Variants in EPHA3 observed in about 807,000 individuals in gnomAD.
EPHA3 encodes ephrin type-A receptor 3.
In EPHA3, 42 loss-of-function variants were observed where a neutral mutation model predicts 107.1. The observed-to-expected ratio is 0.39, with a 90% CI of 0.31 to 0.51. The LOEUF (loss-of-function observed/expected upper bound fraction) is 0.51, where lower values mean the gene tolerates loss of function less well. Ranked by LOEUF, EPHA3 falls within the 20% of genes least tolerant of loss-of-function variation. The pLI is 0.78. For missense variants in EPHA3, 1,183 were observed against 1,211.2 expected, an observed-to-expected ratio of 0.98 and a Z score of 0.35; for synonymous variants, 461 against 424.8, an observed-to-expected ratio of 1.09 and a Z score of -1.05.
intron 1 of EPHA3, 84 bp from the exon 2 acceptor site, chr3:89,127,125 A>AG: frequency 9.6e-7 from 1 of 1,043,046 alleles, no homozygotes; most frequent in South Asian, 1.3e-5. Context: ...AGCAACATCA[A>AG]CAACAGACAA....
chr3:89,360,127 TA>T (rs1708060961), intron 5 of EPHA3, among the ~76,000 whole-genome samples: 1 of 150,534 alleles, frequency 6.6e-6, no homozygotes, highest in South Asian at 2.1e-4. Flanking sequence ...CAAATTTCAG[TA>T]AACAACTTAC....
intron 3 of EPHA3, among the ~76,000 whole-genome samples, chr3:89,219,689 T>TGTTTTTTTTTGTTTTTTTTG: frequency 6.0e-5 from 1 of 16,612 alleles, no homozygotes; most frequent in South Asian, 2.0e-3. Flanking sequence ...TTTGGCAATG[T>TGTTTTTTTTTGTTTTTTTTG]TTTTTTTTTT....
At chr3:89,328,247 G>T (rs903689744) in intron 3 of EPHA3, among the ~76,000 whole-genome samples, 10 of 152,114 alleles carry the variant, frequency 6.6e-5, no homozygotes, top group African/African-American at 2.4e-4. Flanking sequence ...AAAGTTCCGT[G>T]TTTCGACTAA....
At chr3:89,329,397 T>C (rs1206999429) in intron 3 of EPHA3, among the ~76,000 whole-genome samples, 2 of 152,126 alleles carry the variant, frequency 1.3e-5, no homozygotes, top group Non-Finnish European at 1.5e-5. Flanking sequence ...TCTTCTATTG[T>C]TCTTCCTTAT....
chr3:89,313,216 G>A (rs1706808146), intron 3 of EPHA3, among the ~76,000 whole-genome samples: 1 of 151,592 alleles, frequency 6.6e-6, no homozygotes, highest in African/African-American at 2.4e-5. Context: ...AATTATTTTT[G>A]TTTCTAAATT....
intron 5 of EPHA3, among the ~76,000 whole-genome samples, chr3:89,347,113 T>G (rs1032732919): frequency 6.9e-6 from 1 of 144,154 alleles, no homozygotes; most frequent in African/African-American, 2.7e-5. Context: ...TCTTTTTTGG[T>G]TCCATATGAA....
At chr3:89,476,585 T>TTTATTTATTTA (rs1710512549) in intron 16 of EPHA3, among the ~76,000 whole-genome samples, 1 of 129,088 alleles carries the variant, frequency 7.7e-6, no homozygotes, top group African/African-American at 2.8e-5. Context: ...CTATTATTAT[T>TTTATTTATTTA]TTTATTTATT....
intron 3 of EPHA3, among the ~76,000 whole-genome samples, chr3:89,236,224 A>T (rs1576253942): frequency 6.6e-6 from 1 of 152,008 alleles, no homozygotes; most frequent in South Asian, 2.1e-4. Flanking sequence ...TTCTTCTCCT[A>T]AATATATACC....
At chr3:89,436,403 T>C (rs554504255) in intron 13 of EPHA3, among the ~76,000 whole-genome samples, 14 of 152,344 alleles carry the variant, frequency 9.2e-5, no homozygotes, top group African/African-American at 3.4e-4. Flanking sequence ...ACGCAGTTCA[T>C]CTAGTGTCTG....
chr3:89,335,626 T>G (rs530575637), intron 3 of EPHA3, among the ~76,000 whole-genome samples: 1 of 152,314 alleles, frequency 6.6e-6, no homozygotes, highest in African/African-American at 2.4e-5. Context: ...TGTTATCAAC[T>G]TAGACTCATG....
intron 5 of EPHA3, among the ~76,000 whole-genome samples, chr3:89,345,146 A>C (rs1396759288): frequency 1.3e-5 from 2 of 151,170 alleles, no homozygotes; most frequent in Admixed American, 1.3e-4. Context: ...CCATTATAGA[A>C]TCTGCCGCTT....
At chr3:89,363,397 A>C (rs1337962508) in intron 5 of EPHA3, among the ~76,000 whole-genome samples, 1 of 150,850 alleles carries the variant, frequency 6.6e-6, no homozygotes, top group African/African-American at 2.4e-5. Context: ...CCTAGGGAAC[A>C]GCTGACATTG....
At chr3:89,411,859 A>G (rs1709159559) in intron 9 of EPHA3, among the ~76,000 whole-genome samples, 1 of 151,904 alleles carries the variant, frequency 6.6e-6, no homozygotes, top group South Asian at 2.1e-4. Context: ...GTTCAATTGC[A>G]ACTTTCCCAT....
intron 5 of EPHA3, among the ~76,000 whole-genome samples, chr3:89,381,530 A>G (rs1041781674): frequency 1.3e-5 from 2 of 151,928 alleles, no homozygotes; most frequent in Non-Finnish European, 2.9e-5. Context: ...TTAGCCCGGC[A>G]TGGTGGCACA....
chr3:89,284,223 C>T (rs907068929), intron 3 of EPHA3, among the ~76,000 whole-genome samples: 3 of 152,012 alleles, frequency 2.0e-5, no homozygotes, highest in African/African-American at 7.2e-5. Flanking sequence ...ATTAACTACA[C>T]ATTTGGGGTA....
At chr3:89,358,893 C>T (rs1006720005) in intron 5 of EPHA3, among the ~76,000 whole-genome samples, 1 of 151,068 alleles carries the variant, frequency 6.6e-6, no homozygotes, top group Non-Finnish European at 1.5e-5. Context: ...CTCTCAAATG[C>T]ATGTATCTGG....
At chr3:89,118,080 T>A (rs1179798427) in intron 1 of EPHA3, among the ~76,000 whole-genome samples, 2 of 105,306 alleles carry the variant, frequency 1.9e-5, no homozygotes, top group African/African-American at 2.9e-5. Context: ...TATTTTTCTC[T>A]TGGTTTACTT....
At chr3:89,421,331 TGAA>T (rs1385522403) in intron 11 of EPHA3, among the ~76,000 whole-genome samples, 1 of 150,674 alleles carries the variant, frequency 6.6e-6, no homozygotes, top group Non-Finnish European at 1.5e-5. Flanking sequence ...AAAATATTGA[TGAA>T]GGAAGGAAGG....
chr3:89,458,338 G>C (rs950130237), intron 15 of EPHA3, among the ~76,000 whole-genome samples: 8 of 152,082 alleles, frequency 5.3e-5, no homozygotes, highest in Non-Finnish European at 1.2e-4. Flanking sequence ...AATGTGAAAT[G>C]GTAGGTAGAA....
Sources: gnomAD v4.1 joint callset for allele counts (sites outside exome capture counted in the v4.1 genomes callset) on GRCh38, gnomAD v4.1.1 for gene constraint, MANE v1.5 for transcripts, NCBI Gene and HGNC (gene_info 2026-07-23, HGNC 2026-07-21) for gene names.